The following FARP2 variants were observed in gnomAD, a reference collection of about 807,000 sequenced individuals.
FARP2 encodes the protein FERM, ARHGEF and pleckstrin domain-containing protein 2.
FARP2 carries 111 observed loss-of-function variants against 130.5 expected under a neutral mutation model. That is an observed-to-expected ratio of 0.85 (90% confidence interval 0.73 to 1.00). FARP2 has a LOEUF of 1.00. Ranked by LOEUF, FARP2 falls within the 50% of genes least tolerant of loss-of-function variation. FARP2 has a pLI of 0.00. For synonymous variants in FARP2, 504 were observed against 516.9 expected (o/e 0.98, Z 0.34); for missense variants, 1,385 against 1,346.3 (o/e 1.03, Z -0.45).
At position 241,493,412 on chromosome 2, in the gene FARP2, C is replaced by T; in HGVS notation, c.3015C>T (p.Phe1005=). The T allele has an allele frequency of 1.2e-6, 2 of 1,613,970 alleles. No homozygotes were observed. Among genetic ancestry groups the T allele is most frequent in the Non-Finnish European group, 1.7e-6 (2 of 1,180,024 alleles). ...TCCAGTTCAAATCCCACGTCTACTTCTTCCGGGCTGAGAGCAAGTACACAT... is the reference window on the plus strand; with the variant it reads ...TCCAGTTCAAATCCCACGTCTACTTTTTCCGGGCTGAGAGCAAGTACACAT... ...FKLQFKSHVY[F]FRAESKYTFE... The change falls in exon 26 of 27, where the codon TTC becomes TTT. Residue 1005 remains phenylalanine (F), a synonymous_variant. Transcript: ENST00000264042.
chr2:241,481,803 C>T (rs1046931438), intron 19 of FARP2, among the ~76,000 whole-genome samples: 2 of 152,156 alleles, frequency 1.3e-5, no homozygotes, highest in Non-Finnish European at 2.9e-5. Flanking sequence ...GGTGTAGGCT[C>T]TTGAGCCATG....
At chr2:241,431,196 G>C (rs573307363) in intron 8 of FARP2, among the ~76,000 whole-genome samples, 1 of 152,266 alleles carries the variant, frequency 6.6e-6, no homozygotes, top group South Asian at 2.1e-4. Context: ...TTGGTCAGTT[G>C]TTAAGTACAT....
At chr2:241,476,895 G>A (rs1453059900) in intron 19 of FARP2, among the ~76,000 whole-genome samples, 1 of 152,000 alleles carries the variant, frequency 6.6e-6, no homozygotes, top group East Asian at 1.9e-4. Flanking sequence ...ATTTTGAAGG[G>A]AACCCTGTTC....
chr2:241,431,873 T>C (rs2063100868), intron 9 of FARP2, 99 bp downstream of exon 9: 1 of 308,880 alleles, frequency 3.2e-6, no homozygotes, highest in African/African-American at 2.2e-5. Flanking sequence ...CAGGCTGGAG[T>C]GCAATGGCAT....
intron 1 of FARP2, among the ~76,000 whole-genome samples, chr2:241,360,174 G>A (rs1375072008): frequency 6.6e-6 from 1 of 152,060 alleles, no homozygotes; most frequent in Non-Finnish European, 1.5e-5. Context: ...GTATCCCTAA[G>A]CATTTAGACT....
At chr2:241,472,685 T>C (rs561824276) in intron 18 of FARP2, among the ~76,000 whole-genome samples, 1 of 152,118 alleles carries the variant, frequency 6.6e-6, no homozygotes, top group Non-Finnish European at 1.5e-5. Flanking sequence ...GACTCTGTTC[T>C]GAGGGGACTC....
At chr2:241,401,822 G>A (rs377354371) in intron 2 of FARP2, among the ~76,000 whole-genome samples, 106 of 136,638 alleles carry the variant, frequency 7.8e-4, no homozygotes, top group Middle Eastern at 4.1e-3. Flanking sequence ...TTCGCTCGTC[G>A]CCCAGGCTGG....
At chr2:241,358,278 T>C (rs1280995746) in intron 1 of FARP2, among the ~76,000 whole-genome samples, 1 of 152,230 alleles carries the variant, frequency 6.6e-6, no homozygotes, top group Non-Finnish European at 1.5e-5. Context: ...ATTATTATTA[T>C]CAGGTGGACA....
intron 1 of FARP2, among the ~76,000 whole-genome samples, chr2:241,365,714 C>A (rs921286264): frequency 2.0e-5 from 3 of 152,192 alleles, no homozygotes; most frequent in Non-Finnish European, 4.4e-5. Context: ...AGTTACTGGG[C>A]TTTGAAGTCA....
intron 19 of FARP2, chr2:241,478,407 G>A: frequency 4.2e-6 from 1 of 240,330 alleles, no homozygotes; most frequent in South Asian, 5.2e-5. Context: ...GAGTGCCGTG[G>A]CCCAGCACCC....
intron 24 of FARP2, among the ~76,000 whole-genome samples, chr2:241,492,125 C>G (rs899794548): frequency 3.9e-5 from 6 of 152,238 alleles, no homozygotes; most frequent in Admixed American, 3.3e-4. Context: ...GTTCCTCAGC[C>G]TGGTGCCCCC....
chr2:241,389,533 A>G (rs1046904572), intron 2 of FARP2, among the ~76,000 whole-genome samples: 1 of 152,212 alleles, frequency 6.6e-6, no homozygotes, highest in Admixed American at 6.5e-5. Flanking sequence ...TGGTGTATTT[A>G]TTATAGCAGC....
chr2:241,493,481 T>TTTCGATG, intron 26 of FARP2, 37 bp downstream of exon 26: 1 of 1,599,354 alleles, frequency 6.3e-7, no homozygotes, highest in Non-Finnish European at 8.6e-7. Flanking sequence ...CAGCTGCCCA[T>TTTCGATG]TTCGATGTCC....
At chr2:241,483,037 C>T (rs2064657478) in intron 19 of FARP2, among the ~76,000 whole-genome samples, 2 of 140,254 alleles carry the variant, frequency 1.4e-5, no homozygotes, top group African/African-American at 5.4e-5. Flanking sequence ...GCTCCTGGTG[C>T]TAATTTGAAT....
At chr2:241,449,911 G>A (rs2063605578) in intron 13 of FARP2, among the ~76,000 whole-genome samples, 1 of 151,886 alleles carries the variant, frequency 6.6e-6, no homozygotes, top group African/African-American at 2.4e-5. Context: ...GGAGGCTGAG[G>A]CAGGAGAATC....
At chr2:241,468,037 G>A in intron 17 of FARP2, 103 bp from the exon 18 acceptor site, 1 of 826,608 alleles carries the variant, frequency 1.2e-6, no homozygotes, top group Middle Eastern at 2.3e-4. Context: ...CATTTGCCCT[G>A]TGGGGATTTC....
At chr2:241,470,749 G>T (rs530401464) in intron 18 of FARP2, among the ~76,000 whole-genome samples, 7 of 151,758 alleles carry the variant, frequency 4.6e-5, no homozygotes, top group African/African-American at 1.7e-4. Flanking sequence ...TGAGGGAGGG[G>T]TCCATACTCT....
At chr2:241,493,593 C>T (rs991231770) in intron 26 of FARP2, 149 bp downstream of exon 26, 4 of 629,706 alleles carry the variant, frequency 6.4e-6, no homozygotes, top group East Asian at 2.9e-5. Flanking sequence ...AACAGCAATG[C>T]TTTGTTTTTT....
intron 16 of FARP2, chr2:241,463,672 A>T: frequency 1.4e-6 from 1 of 701,532 alleles, no homozygotes; most frequent in Non-Finnish European, 2.3e-6. Context: ...GGAGCAAGTT[A>T]AAAATGGAAG....
Sources: allele counts gnomAD v4.1 joint callset (sites outside exome capture counted in the v4.1 genomes callset), GRCh38; gene constraint gnomAD v4.1.1; transcripts MANE v1.5; gene names NCBI Gene and HGNC (gene_info 2026-07-23, HGNC 2026-07-21).